Variants in LONRF2 observed in about 807,000 individuals in gnomAD.
LONRF2 encodes the protein LON peptidase N-terminal domain and ring finger 2.
In LONRF2, 35 loss-of-function variants were observed where a neutral mutation model predicts 66.6. That is an observed-to-expected ratio of 0.53 (90% CI 0.40 to 0.70). LONRF2 has a LOEUF of 0.70. LONRF2 is among the 30% of genes least tolerant of loss of function. The pLI is 0.00. For synonymous variants in LONRF2, 417 were observed against 418.1 expected (o/e 1.00, Z 0.03); for missense variants, 902 against 1,002.1 (o/e 0.90, Z 1.35).
chr2:100,298,663 C>T (rs892784198), intron 7 of LONRF2, among the ~76,000 whole-genome samples, 173 bp downstream of exon 7: 3 of 152,186 alleles, frequency 2.0e-5, no homozygotes, highest in Admixed American at 6.5e-5. Context: ...TGTATGTCAA[C>T]CTTCCTTGTG....
intron 1 of LONRF2, among the ~76,000 whole-genome samples, chr2:100,319,933 T>C (rs1009985396): frequency 6.6e-6 from 1 of 152,232 alleles, no homozygotes; most frequent in Non-Finnish European, 1.5e-5. Flanking sequence ...TGCAGTCCCA[T>C]TAGCAGCATA....
rs566428650 is a variant in LONRF2 at position 100,279,507 on chromosome 2, T to C, written c.*4791A>G. ...CCCTACTCTTTAAAAGTTTCTGCTA[T>C]CAAAAGTGACCTTAGTATGTCAAAA... On this transcript the variant is annotated 3_prime_UTR_variant, in exon 12 of 12. Transcript: ENST00000393437. The C allele has an allele frequency of 1.3e-5, 2 of 152,194 alleles. No homozygotes were observed. Among genetic ancestry groups the C allele is most frequent in the Non-Finnish European group, 2.9e-5 (2 of 68,046 alleles). The allele number at this position is 152,194 out of a possible 1,614,324, so 9.4% of individuals were successfully genotyped here. A position where few individuals can be genotyped will look rare whatever the true frequency, so the allele number is the denominator to read the frequency against.
chr2:100,314,754 TTTTTTCCCCATTGAA>T (rs1466688738), intron 1 of LONRF2, among the ~76,000 whole-genome samples: 6 of 152,168 alleles, frequency 3.9e-5, no homozygotes, highest in African/African-American at 9.7e-5. Flanking sequence ...CAACTGACTC[TTTTTTCCCCATTGAA>T]TTTTTCCCCA....
At chr2:100,305,080 C>T (rs186057543) in intron 2 of LONRF2, among the ~76,000 whole-genome samples, 23 of 152,232 alleles carry the variant, frequency 1.5e-4, no homozygotes, top group South Asian at 4.1e-4. Context: ...TGTTAGAACT[C>T]GGAACTCTGA....
intron 4 of LONRF2, among the ~76,000 whole-genome samples, 200 bp downstream of exon 4, chr2:100,300,444 C>T (rs1207722131): frequency 6.6e-6 from 1 of 152,126 alleles, no homozygotes; most frequent in South Asian, 2.1e-4. Flanking sequence ...AAGCTTCTTT[C>T]AATCTTTAAT....
intron 2 of LONRF2, among the ~76,000 whole-genome samples, chr2:100,308,396 A>C (rs1271001013): frequency 6.6e-6 from 1 of 152,226 alleles, no homozygotes; most frequent in Non-Finnish European, 1.5e-5. Flanking sequence ...ACCTGGCTTA[A>C]TGTCTCTTTA....
chr2:100,283,182 A>G lies in LONRF2; in HGVS notation c.*1116T>C, dbSNP rs1295579096. ...AAGTCATACTACTGTCCTTTAACAG[A>G]TAACACCTGGTCTGATCACCGTAAA... On this transcript the variant is annotated 3_prime_UTR_variant, in exon 12 of 12. Coordinates refer to ENST00000393437, the MANE Select transcript of LONRF2 (RefSeq NM_198461.4). 5 of 152,222 alleles carry G rather than the reference A, an allele frequency of 3.3e-5. No individual in the cohort carries two copies. Among genetic ancestry groups the G allele is most frequent in the Non-Finnish European group, 7.3e-5 (5 of 68,038 alleles). The allele number at this position is 152,222 out of a possible 1,614,324, so 9.4% of individuals were successfully genotyped here.
intron 3 of LONRF2, 111 bp downstream of exon 3, chr2:100,302,810 G>C (rs142559586): frequency 9.1e-7 from 1 of 1,100,326 alleles, no homozygotes; most frequent in African/African-American, 1.6e-5. Flanking sequence ...GCATTATCAC[G>C]AACATTCAGA....
At position 100,299,797 on chromosome 2, in the gene LONRF2, C is replaced by G. The variant is rs530093486; in HGVS notation, c.1187G>C (p.Ser396Thr). 1 of 1,614,006 alleles carries G rather than the reference C, an allele frequency of 6.2e-7. No individual in the cohort carries two copies. The highest frequency in any genetic ancestry group is 2.2e-5 in the East Asian group (1 of 44,882). ...CGGAAACTGTCTCTTTAAGCCAGCG[C>G]TGGGTGCTGTTGGAAGGATGCTTTC... ...ALESILPTAP[S>T]AGLKRQFPDD... The change falls in exon 5 of 12, where the codon AGC becomes ACC. Residue 396 changes from serine (S) to threonine (T), a missense_variant. Coordinates refer to ENST00000393437, the MANE Select transcript of LONRF2 (RefSeq NM_198461.4).
chr2:100,304,625 G>GTTTT (rs3039612), intron 2 of LONRF2, among the ~76,000 whole-genome samples: 48,064 of 121,524 alleles, frequency 0.4, 11,183 homozygotes, highest in East Asian at 0.64. Context: ...TTAGTTGACT[G>GTTTT]TTTTTTTTTT....
rs1047644888 is a variant in LONRF2 at position 100,278,693 on chromosome 2, G to A, written c.*5605C>T. On this transcript the variant is annotated 3_prime_UTR_variant, in exon 12 of 12. Transcript: ENST00000393437. Reference sequence around the variant, plus strand: ...AGGAGACCCCACGTCTCACATCCCAGAAGACATTGCCCAGCCCAGCAGCTC... The same window carrying A: ...AGGAGACCCCACGTCTCACATCCCAAAAGACATTGCCCAGCCCAGCAGCTC... The A allele has an allele frequency of 1.3e-4, 20 of 152,278 alleles. No homozygotes were observed. Among genetic ancestry groups the A allele is most frequent in the African/African-American group, 3.9e-4 (16 of 41,540 alleles). 9.4% of individuals were successfully genotyped at this position (152,278 alleles called of 1,614,324 possible).
At position 100,321,910 on chromosome 2, in the gene LONRF2, G is replaced by C; in HGVS notation, c.184C>G (p.Leu62Val). ...GLAQPDRGLCLRLGDALARAG... is the reference protein window; with the variant it reads ...GLAQPDRGLCVRLGDALARAG... ...CGGGCCAGCGCGTCCCCCAGCCTCA[G>C]GCACAGGCCGCGGTCCGGCTGCGCC... Residue 62 changes from leucine (L) to valine (V), a missense_variant, in exon 1 of 12, where the codon CTG (leucine) becomes GTG (valine). This residue lies in a region of LONRF2 where 585 missense variants were observed against 569.9 expected (regional missense o/e 1.03). Coordinates refer to ENST00000393437, the MANE Select transcript of LONRF2 (RefSeq NM_198461.4). 7.5e-7 allele frequency: 1 copy of C among 1,339,352 alleles called. No homozygotes were observed. The highest frequency in any genetic ancestry group is 9.6e-7 in the Non-Finnish European group (1 of 1,042,918). The allele number at this position is 1,339,352 out of a possible 1,614,324, so 83.0% of individuals were successfully genotyped here.
At chr2:100,299,121 A>T in intron 6 of LONRF2, 105 bp downstream of exon 6, 1 of 873,452 alleles carries the variant, frequency 1.1e-6, no homozygotes, top group Non-Finnish European at 1.8e-6. Flanking sequence ...ATTATTACTG[A>T]GCTCTCCCTA....
In LONRF2 at chr2:100,277,778, TA is replaced by T. The variant is rs956019912; in HGVS notation, c.*6519del. On this transcript the variant is annotated 3_prime_UTR_variant, in exon 12 of 12. Transcript: ENST00000393437. ...CAGCACAGCGCCCCAGCTTCACATTTATGGCCAACTGTTGGACCACTGCCCA... is the reference window on the plus strand; with the variant it reads ...CAGCACAGCGCCCCAGCTTCACATTTTGGCCAACTGTTGGACCACTGCCCA... 4.3e-4 allele frequency: 65 copies of T among 152,198 alleles called. 3 individuals carry two copies. Among genetic ancestry groups the T allele is most frequent in the Non-Finnish European group, 1.5e-5 (1 of 68,034 alleles). The allele number at this position is 152,198 out of a possible 1,614,324, so 9.4% of individuals were successfully genotyped here.
intron 2 of LONRF2, among the ~76,000 whole-genome samples, chr2:100,306,078 G>A (rs140145007): frequency 1.3e-5 from 2 of 150,134 alleles, no homozygotes; most frequent in African/African-American, 4.9e-5. Context: ...TATTTTTTGT[G>A]TGTGTGTGTA....
At chr2:100,289,291 T>C (rs969584396) in intron 10 of LONRF2, among the ~76,000 whole-genome samples, 1 of 152,196 alleles carries the variant, frequency 6.6e-6, no homozygotes, top group African/African-American at 2.4e-5. Flanking sequence ...AGAGACCACA[T>C]GGCCTCTGGA....
At position 100,279,593 on chromosome 2, in the gene LONRF2, G is replaced by C. The variant is rs558767510; in HGVS notation, c.*4705C>G. ...TATTTTATGATATTTTGACATCTCA[G>C]GGGCCTCGCTGACCCAGGAGAAACT... On this transcript the variant is annotated 3_prime_UTR_variant, in exon 12 of 12. Transcript: ENST00000393437. 19 of 152,252 alleles carry C rather than the reference G, an allele frequency of 1.2e-4. No homozygotes were observed. The highest frequency in any genetic ancestry group is 4.3e-4 in the African/African-American group (18 of 41,540). 9.4% of individuals were successfully genotyped at this position (152,252 alleles called of 1,614,324 possible).
chr2:100,319,371 G>T (rs1675577424), intron 1 of LONRF2, among the ~76,000 whole-genome samples: 1 of 152,040 alleles, frequency 6.6e-6, no homozygotes, highest in African/African-American at 2.4e-5. Context: ...TATATATACA[G>T]AAAAGCTAAA....
At chr2:100,296,041 C>T (rs905837374) in intron 7 of LONRF2, among the ~76,000 whole-genome samples, 1 of 151,948 alleles carries the variant, frequency 6.6e-6, no homozygotes, top group African/African-American at 2.4e-5. Context: ...AGGATGCATG[C>T]AAAAGGCAAA....
Sources: allele counts gnomAD v4.1 joint callset (sites outside exome capture counted in the v4.1 genomes callset), GRCh38; gene constraint gnomAD v4.1.1; regional missense constraint gnomAD v4.1.1; transcripts MANE v1.5; gene names NCBI Gene and HGNC (gene_info 2026-07-23, HGNC 2026-07-21).